The following PPP2R5C variants were observed in gnomAD, a reference collection of about 807,000 sequenced individuals.
PPP2R5C encodes serine/threonine-protein phosphatase 2A 56 kDa regulatory subunit gamma isoform.
PPP2R5C carries 7 observed loss-of-function variants against 68.9 expected under a neutral mutation model. The ratio of observed to expected loss-of-function variants is 0.10; its 90% confidence interval spans 0.06 to 0.19. The LOEUF (loss-of-function observed/expected upper bound fraction) is 0.19, where lower values mean the gene tolerates loss of function less well. PPP2R5C is among the 10% of genes least tolerant of loss of function. The probability of loss-of-function intolerance (pLI) is 1.00; values close to 1 mark genes in which losing one functional copy is unlikely to be tolerated. For synonymous variants in PPP2R5C, 210 were observed against 222.2 expected, an observed-to-expected ratio of 0.95 and a Z score of 0.49; for missense variants, 348 against 641.3, an observed-to-expected ratio of 0.54 and a Z score of 4.94.
At chr14:101,838,688 G>T (rs2041269530) in intron 1 of PPP2R5C, among the ~76,000 whole-genome samples, 1 of 152,232 alleles carries the variant, frequency 6.6e-6, no homozygotes, top group South Asian at 2.1e-4. Flanking sequence ...GGAGGAGGCA[G>T]CCCCTGGCAC....
intron 1 of PPP2R5C, among the ~76,000 whole-genome samples, chr14:101,854,343 A>G (rs193199903): frequency 9.8e-4 from 150 of 152,296 alleles, no homozygotes; most frequent in Non-Finnish European, 1.7e-3. Context: ...GTTATTTGCA[A>G]GGCTCAATGT....
chr14:101,882,372 C>T lies in PPP2R5C; in HGVS notation c.405+101C>T. On this transcript the variant is annotated intron_variant, in intron 3 of 13. Coordinates refer to ENST00000334743, the Ensembl canonical transcript of PPP2R5C. The surrounding 1 kb of genome is among the most constrained non-coding windows in gnomAD (Gnocchi z 4.9). ...CACTGGTCTGGCCAGATGGACCTCTCCTCCTCAGTAGCATGGGCCTCGTAA... is the reference window on the plus strand; with the variant it reads ...CACTGGTCTGGCCAGATGGACCTCTTCTCCTCAGTAGCATGGGCCTCGTAA... The T allele has an allele frequency of 1.3e-6, 1 of 768,684 alleles. No individual in the cohort carries two copies. The highest frequency in any genetic ancestry group is 2.1e-6 in the Non-Finnish European group (1 of 484,582). The allele number at this position is 768,684 out of a possible 1,614,324, so 47.6% of individuals were successfully genotyped here.
Position 101,797,514 on chromosome 14 carries a change from T to C in PPP2R5C, c.259+11331T>C. 3.0e-6 allele frequency: 1 copy of C among 331,844 alleles called. No homozygotes were observed. The highest frequency in any genetic ancestry group is 6.0e-6 in the Non-Finnish European group (1 of 166,114). The allele number at this position is 331,844 out of a possible 1,614,324, so 20.6% of individuals were successfully genotyped here. A position where few individuals can be genotyped will look rare whatever the true frequency, so the allele number is the denominator to read the frequency against. On this transcript the variant is annotated intron_variant, in intron 3 of 14. Transcript: ENST00000328724. The surrounding 1 kb of genome is among the most constrained non-coding windows in gnomAD (Gnocchi z 4.2). ...TCCACCCTCTCCATTTTCACCGAGA[T>C]GGTTGTGGTGTCACCTCTCGTGGGG...
chr14:101,907,458 C>T (rs2046105843), intron 10 of PPP2R5C, among the ~76,000 whole-genome samples: 2 of 152,148 alleles, frequency 1.3e-5, no homozygotes, highest in South Asian at 2.1e-4. Context: ...TGAGCCACTG[C>T]GCCCAGGCCA....
chr14:101,881,377 G>A (rs1164776343), intron 2 of PPP2R5C, among the ~76,000 whole-genome samples: 1 of 152,190 alleles, frequency 6.6e-6, no homozygotes, highest in Non-Finnish European at 1.5e-5. Context: ...TCCAACCTGG[G>A]CCGCAGAGGG....
At position 101,882,130 on chromosome 14, in the gene PPP2R5C, T is replaced by C; in HGVS notation, c.295-31T>C. ...TTGTCTGTAAATATTTTAAATGCCC[T>C]GATTGTAATTATAGAATATGTGGAT... On this transcript the variant is annotated intron_variant, in intron 2 of 13. Transcript: ENST00000334743. This position sits in a 1 kb window ranked among gnomAD's most constrained non-coding sequence, Gnocchi z 4.9. 1 of 1,498,882 alleles carries C rather than the reference T, an allele frequency of 6.7e-7. No homozygotes were observed. Among genetic ancestry groups the C allele is most frequent in the Non-Finnish European group, 9.1e-7 (1 of 1,098,920 alleles). The allele number at this position is 1,498,882 out of a possible 1,614,324, so 92.8% of individuals were successfully genotyped here.
At chr14:101,772,142 T>A (rs1342208005) in intron 2 of PPP2R5C, among the ~76,000 whole-genome samples, 1 of 152,184 alleles carries the variant, frequency 6.6e-6, no homozygotes, top group Non-Finnish European at 1.5e-5. Flanking sequence ...TAATTGAACT[T>A]ATTTTGTTAC....
rs2043989576 is a variant in PPP2R5C at position 101,879,198 on chromosome 14, A to G, written c.295-2963A>G. On this transcript the variant is annotated intron_variant, in intron 2 of 13. Transcript: ENST00000334743. This position sits in a 1 kb window ranked among gnomAD's most constrained non-coding sequence, Gnocchi z 4.2. The stretch of plus-strand genomic sequence containing the variant: ...TCCCCCGGGGCTTTGAGCAGAACCC[A>G]GAGCAGAGGGGAAGGGCAGCTGCCT... 6.6e-6 allele frequency: 1 copy of G among 152,232 alleles called. No individual in the cohort carries two copies. Among genetic ancestry groups the G allele is most frequent in the Non-Finnish European group, 1.5e-5 (1 of 68,080 alleles). The allele number at this position is 152,232 out of a possible 1,614,324, so 9.4% of individuals were successfully genotyped here. A position where few individuals can be genotyped will look rare whatever the true frequency, so the allele number is the denominator to read the frequency against.
chr14:101,856,561 C>G lies in PPP2R5C; in HGVS notation c.95-125C>G, dbSNP rs544570900. 134 of 872,302 alleles carry G rather than the reference C, an allele frequency of 1.5e-4. No homozygotes were observed. The African/African-American group carries it at 2.2e-3, about 15-fold the overall frequency. The allele number at this position is 872,302 out of a possible 1,614,324, so 54.0% of individuals were successfully genotyped here. On this transcript the variant is annotated intron_variant, in intron 1 of 13. Coordinates refer to ENST00000334743, the Ensembl canonical transcript of PPP2R5C. ...CTTTAAGGAATAGCCTTTGTTTACC[C>G]CACCCATCTCCTTTTTTCTTGAATC...
At chr14:101,925,205 C>T (rs867680780) in exon 14 of PPP2R5C, 1 of 1,614,076 alleles carries the variant, frequency 6.2e-7, no homozygotes, top group Non-Finnish European at 8.5e-7. Flanking sequence ...CCTCAGGACC[C>T]CCACACCAAG....
chr14:101,857,523 T>C (rs1011498185), intron 2 of PPP2R5C, among the ~76,000 whole-genome samples: 5 of 152,252 alleles, frequency 3.3e-5, no homozygotes, highest in African/African-American at 1.2e-4. Flanking sequence ...CAGTATGTCC[T>C]GACTGGCTGA....
Position 101,884,642 on chromosome 14 carries a change from C to T in PPP2R5C, c.629+1080C>T, listed in dbSNP as rs991068567. Among the ~76,000 whole-genome samples, 302 of 152,352 alleles carry T rather than the reference C, an allele frequency of 2.0e-3. 1 individual carries two copies. The highest frequency in any genetic ancestry group is 6.8e-3 in the African/African-American group (282 of 41,590). On this transcript the variant is annotated intron_variant, in intron 5 of 13. Transcript: ENST00000334743. Reference sequence around the variant, plus strand: ...CCAGTGGCAGGCCCACCTCCAGGCCCGCCCCTCCCCAGCCAGCCTCTGCTC... The same window carrying T: ...CCAGTGGCAGGCCCACCTCCAGGCCTGCCCCTCCCCAGCCAGCCTCTGCTC...
intron 2 of PPP2R5C, among the ~76,000 whole-genome samples, chr14:101,872,440 GT>G (rs2043487237): frequency 6.6e-6 from 1 of 151,862 alleles, no homozygotes; most frequent in Admixed American, 6.6e-5. Context: ...GTCTCACTAG[GT>G]TGCCTAAGCT....
Position 101,797,365 on chromosome 14 carries a change from C to T in PPP2R5C, c.259+11182C>T, listed in dbSNP as rs1239794855. The T allele has an allele frequency of 2.2e-6, 1 of 448,332 alleles. No individual in the cohort carries two copies. The highest frequency in any genetic ancestry group is 1.6e-5 in the South Asian group (1 of 64,138). 27.8% of individuals were successfully genotyped at this position (448,332 alleles called of 1,614,324 possible). A position where few individuals can be genotyped will look rare whatever the true frequency, so the allele number is the denominator to read the frequency against. On this transcript the variant is annotated intron_variant, in intron 3 of 14. Coordinates refer to the PPP2R5C transcript ENST00000328724. This position sits in a 1 kb window ranked among gnomAD's most constrained non-coding sequence, Gnocchi z 4.2. ...ACGCCACACACATTCAGTCAGTACA[C>T]GAGTTAACAGTTGCGTGCTTGTCTG... is the stretch of plus-strand genomic sequence containing the variant.
At chr14:101,826,190 A>G (rs1004235400) in intron 1 of PPP2R5C, among the ~76,000 whole-genome samples, 2 of 152,056 alleles carry the variant, frequency 1.3e-5, no homozygotes, top group African/African-American at 2.4e-5. Flanking sequence ...TCTGTCTCCT[A>G]TGCTTATGGT....
chr14:101,885,872 T>A (rs1370340992), intron 5 of PPP2R5C, among the ~76,000 whole-genome samples: 1 of 152,238 alleles, frequency 6.6e-6, no homozygotes, highest in Non-Finnish European at 1.5e-5. Flanking sequence ...CAATTTAAAT[T>A]TCCAGTCTTC....
chr14:101,786,038 C>T, exon 3 of PPP2R5C: 1 of 1,527,640 alleles, frequency 6.5e-7, no homozygotes, highest in Non-Finnish European at 8.8e-7. Flanking sequence ...TCAGGAAAAA[C>T]AGCCTTGTTG....
intron 2 of PPP2R5C, among the ~76,000 whole-genome samples, chr14:101,880,533 C>T (rs997404954): frequency 3.3e-5 from 5 of 152,222 alleles, no homozygotes; most frequent in African/African-American, 7.2e-5. Context: ...CGGTGGCTCA[C>T]GCCTCTAATT....
At chr14:101,907,092 A>G (rs909962668) in intron 10 of PPP2R5C, among the ~76,000 whole-genome samples, 4 of 152,232 alleles carry the variant, frequency 2.6e-5, no homozygotes, top group Admixed American at 1.3e-4. Flanking sequence ...TTACTGAGCA[A>G]TAGTCTTCTG....
Sources: allele counts gnomAD v4.1 joint callset (sites outside exome capture counted in the v4.1 genomes callset), GRCh38; gene constraint gnomAD v4.1.1; non-coding constraint Gnocchi (gnomAD v3.1); transcripts MANE v1.5; gene names NCBI Gene and HGNC (gene_info 2026-07-23, HGNC 2026-07-21).